Variants in TSPAN7 observed in about 807,000 individuals in gnomAD.
TSPAN7 encodes tetraspanin 7, also known as tetraspanin-7.
TSPAN7 carries 1 observed loss-of-function variant against 17.6 expected under a neutral mutation model. The ratio of observed to expected loss-of-function variants is 0.06; its 90% CI spans 0.02 to 0.27. The LOEUF (loss-of-function observed/expected upper bound fraction) is 0.27, where lower values mean the gene tolerates loss of function less well. Ranked by LOEUF, TSPAN7 falls within the 10% of genes least tolerant of loss-of-function variation. The probability of loss-of-function intolerance (pLI) is 1.00; values close to 1 mark genes in which losing one functional copy is unlikely to be tolerated. For missense variants in TSPAN7, 112 were observed against 201.7 expected (o/e 0.56, Z 2.69); for synonymous variants, 78 against 79.0 (o/e 0.99, Z 0.07).
At chrX:38,585,814 C>A (rs982476696) in intron 1 of TSPAN7, among the ~76,000 whole-genome samples, 9 of 111,702 alleles carry the variant, frequency 8.1e-5, no homozygotes, top group Middle Eastern at 4.2e-3. Flanking sequence ...AAGCGTGGAA[C>A]CTTTCTCCCC....
chrX:38,660,874 C>T (rs1364076713), intron 1 of TSPAN7, among the ~76,000 whole-genome samples: 7 of 111,473 alleles, frequency 6.3e-5, no homozygotes, highest in African/African-American at 2.3e-4. Context: ...GAACTTGTGC[C>T]ATCATTAGAA....
intron 1 of TSPAN7, among the ~76,000 whole-genome samples, chrX:38,623,740 C>G (rs911762273): frequency 1.6e-4 from 18 of 109,117 alleles, no homozygotes; most frequent in African/African-American, 5.7e-4. Flanking sequence ...TCCATAGCAT[C>G]TCTATATTGA....
intron 1 of TSPAN7, among the ~76,000 whole-genome samples, chrX:38,626,390 G>A (rs896799845): frequency 8.9e-5 from 10 of 111,876 alleles, no homozygotes; most frequent in African/African-American, 2.9e-4. Flanking sequence ...TAAAAAGATT[G>A]GTACTTGACA....
chrX:38,580,596 A>G (rs1256123039), intron 1 of TSPAN7, among the ~76,000 whole-genome samples: 1 of 112,150 alleles, frequency 8.9e-6, no homozygotes, highest in African/African-American at 3.2e-5. Context: ...TAACTGTCTT[A>G]GGTTATTGTG....
At chrX:38,684,064 T>A (rs1424454239) in intron 6 of TSPAN7, among the ~76,000 whole-genome samples, 1 of 112,387 alleles carries the variant, frequency 8.9e-6, no homozygotes, top group East Asian at 2.8e-4. Flanking sequence ...CTCGACCTTT[T>A]TCTTGCCCTT....
At chrX:38,687,770 A>C in intron 7 of TSPAN7, 96 bp downstream of exon 7, 2 of 675,823 alleles carry the variant, frequency 3.0e-6, no homozygotes, top group East Asian at 3.8e-5. Flanking sequence ...CCATTGAGCT[A>C]CCTGATCTTG....
chrX:38,564,130 T>C (rs1288849734), intron 1 of TSPAN7, among the ~76,000 whole-genome samples: 1 of 110,415 alleles, frequency 9.1e-6, no homozygotes, highest in Non-Finnish European at 1.9e-5. Flanking sequence ...TACCCCCCAA[T>C]TTCAACTTCC....
At chrX:38,659,066 A>G (rs1319179605) in intron 1 of TSPAN7, among the ~76,000 whole-genome samples, 1 of 49,408 alleles carries the variant, frequency 2.0e-5, no homozygotes, top group East Asian at 1.3e-3. Flanking sequence ...GTATACATGT[A>G]CACGAGACAA....
chrX:38,571,661 A>T (rs1438749234), intron 1 of TSPAN7, among the ~76,000 whole-genome samples: 2 of 110,862 alleles, frequency 1.8e-5, no homozygotes, highest in Non-Finnish European at 3.8e-5. Context: ...ATCACCAAGG[A>T]CATTTAAAAA....
intron 1 of TSPAN7, among the ~76,000 whole-genome samples, chrX:38,593,037 C>A (rs1221295537): frequency 9.1e-6 from 1 of 110,251 alleles, no homozygotes; most frequent in East Asian, 2.8e-4. Context: ...AGTATAGATT[C>A]TAGGTTGATA....
chrX:38,676,615 C>A (rs2069855620), intron 5 of TSPAN7, among the ~76,000 whole-genome samples: 1 of 111,561 alleles, frequency 9.0e-6, no homozygotes, highest in Admixed American at 9.5e-5. Context: ...GAGGAAAAAA[C>A]CTACTATTGT....
chrX:38,643,195 A>G (rs2069623858), intron 1 of TSPAN7, among the ~76,000 whole-genome samples: 1 of 110,819 alleles, frequency 9.0e-6, no homozygotes, highest in Non-Finnish European at 1.9e-5. Flanking sequence ...TATAACCCAC[A>G]TTGGGCTATA....
chrX:38,637,316 C>A (rs185863321), intron 1 of TSPAN7, among the ~76,000 whole-genome samples: 46 of 112,001 alleles, frequency 4.1e-4, no homozygotes, highest in African/African-American at 1.5e-3. Flanking sequence ...TAACCTTGTG[C>A]ACCATGGCAA....
chrX:38,578,927 T>C (rs2069211665), intron 1 of TSPAN7, among the ~76,000 whole-genome samples: 1 of 111,100 alleles, frequency 9.0e-6, no homozygotes, highest in African/African-American at 3.3e-5. Context: ...TGGGTGTATA[T>C]GTACACACAT....
chrX:38,672,178 A>G (rs763682553), intron 3 of TSPAN7, among the ~76,000 whole-genome samples: 1 of 111,554 alleles, frequency 9.0e-6, no homozygotes, highest in South Asian at 3.8e-4. Context: ...TTGACTCTCC[A>G]TAAATAATAG....
intron 1 of TSPAN7, 115 bp from the exon 2 acceptor site, chrX:38,666,006 A>G: frequency 3.0e-6 from 2 of 664,180 alleles, no homozygotes; most frequent in South Asian, 2.4e-5. Flanking sequence ...AGGGAATCCT[A>G]CAGCAAGTAC....
chrX:38,663,341 G>A (rs748151400), intron 1 of TSPAN7, among the ~76,000 whole-genome samples: 107 of 112,264 alleles, frequency 9.5e-4, no homozygotes, highest in Non-Finnish European at 1.7e-3. Context: ...ATAAGTGGGA[G>A]CTAATCTGTG....
intron 1 of TSPAN7, among the ~76,000 whole-genome samples, chrX:38,619,908 C>T (rs1291607923): frequency 8.9e-6 from 1 of 112,241 alleles, no homozygotes; most frequent in African/African-American, 3.2e-5. Context: ...TGAAGCTACT[C>T]AGATTTTCCT....
chrX:38,672,932 G>A (rs1367745968), intron 3 of TSPAN7, among the ~76,000 whole-genome samples: 2 of 112,193 alleles, frequency 1.8e-5, no homozygotes, highest in African/African-American at 6.5e-5. Flanking sequence ...TAGTGGGCTT[G>A]TTTCTCCACC....
Sources: allele counts gnomAD v4.1 joint callset (sites outside exome capture counted in the v4.1 genomes callset), GRCh38; gene constraint gnomAD v4.1.1; transcripts MANE v1.5; gene names NCBI Gene and HGNC (gene_info 2026-07-23, HGNC 2026-07-21).